PEX16: variants seen among roughly 807,000 people sequenced by gnomAD.
PEX16 encodes peroxisomal biogenesis factor 16.
Under a neutral mutation model 50.5 loss-of-function variants are expected in PEX16, and 37 were observed. That is an observed-to-expected ratio of 0.73 (90% CI 0.56 to 0.96). The LOEUF (loss-of-function observed/expected upper bound fraction) is 0.96, where lower values mean the gene tolerates loss of function less well. Ranked by LOEUF, PEX16 falls within the 40% of genes least tolerant of loss-of-function variation. The probability of loss-of-function intolerance (pLI) is 0.00; values close to 1 mark genes in which losing one functional copy is unlikely to be tolerated. For missense variants in PEX16, 401 were observed against 438.3 expected (o/e 0.91, Z 0.76); for synonymous variants, 185 against 190.3 (o/e 0.97, Z 0.23).
chr11:45,914,926 C>G (rs1236450155), intron 5 of PEX16, among the ~76,000 whole-genome samples: 1 of 152,238 alleles, frequency 6.6e-6, no homozygotes, highest in Non-Finnish European at 1.5e-5. Flanking sequence ...GTGGCCAGAG[C>G]CAGCCTCCCG....
Position 45,910,190 on chromosome 11 carries a change from GT to G in PEX16, c.*63del. On this transcript the variant is annotated 3_prime_UTR_variant, in exon 11 of 11. Transcript: ENST00000378750. ...GCACGCTGGGACGCTGCCGGAGTCA[GT>G]TTTATTAGGGAAGAGGGGCTCCCTG... The G allele has an allele frequency of 1.2e-6, 2 of 1,612,816 alleles. No individual in the cohort carries two copies. Among genetic ancestry groups the G allele is most frequent in the Non-Finnish European group, 1.7e-6 (2 of 1,179,920 alleles).
At position 45,917,505 on chromosome 11, in the gene PEX16, G is replaced by A; in HGVS notation, c.113-12C>T. ...ATCGGCGAATCGACCTGGGGAGAGG[G>A]TACAGAAGGAGGTGTGAGTGAGCAT... is the stretch of plus-strand genomic sequence containing the variant. On this transcript the variant is annotated splice_polypyrimidine_tract_variant and intron_variant, in intron 1 of 10. Transcript: ENST00000378750. 1.9e-6 allele frequency: 3 copies of A among 1,613,978 alleles called. No individual in the cohort carries two copies. Among genetic ancestry groups the A allele is most frequent in the South Asian group, 2.2e-5 (2 of 91,082 alleles).
chr11:45,912,315 G>A (rs1194266047), intron 9 of PEX16, among the ~76,000 whole-genome samples: 1 of 151,962 alleles, frequency 6.6e-6, no homozygotes, highest in East Asian at 2.0e-4. Context: ...TGGTTAACAC[G>A]GTGAAACCCC....
chr11:45,916,344 C>G (rs765619709), intron 2 of PEX16, 41 bp from the exon 3 acceptor site: 9 of 1,439,344 alleles, frequency 6.3e-6, no homozygotes, highest in African/African-American at 4.2e-5. Context: ...GGCTCTGCAG[C>G]CTCCATCCCT....
At chr11:45,915,902 T>G in intron 3 of PEX16, 66 bp from the exon 4 acceptor site, 1 of 1,497,638 alleles carries the variant, frequency 6.7e-7, no homozygotes, top group Non-Finnish European at 9.3e-7. Context: ...GCCCTTCTCC[T>G]AGGAGGGAGC....
At chr11:45,916,110 G>C in intron 3 of PEX16, 117 bp downstream of exon 3, 2 of 844,414 alleles carry the variant, frequency 2.4e-6, no homozygotes, top group South Asian at 1.3e-5. Context: ...TTGAGGCTCA[G>C]ATGGACATAG....
At position 45,917,189 on chromosome 11, in the gene PEX16, G is replaced by T. The variant is rs774130376; in HGVS notation, c.148+269C>A. On this transcript the variant is annotated intron_variant, in intron 2 of 10. Transcript: ENST00000378750. Reference sequence around the variant, plus strand: ...TAAGTACCACTTAATATGACTGTAGGGAGGATTAACAAGTAAAGGTAAGAA... The same window carrying T: ...TAAGTACCACTTAATATGACTGTAGTGAGGATTAACAAGTAAAGGTAAGAA... The T allele has an allele frequency of 3.9e-5, 27 of 695,306 alleles. No homozygotes were observed. In the South Asian group the frequency reaches 4.1e-4, roughly 10 times the overall value. 43.1% of individuals were successfully genotyped at this position (695,306 alleles called of 1,614,324 possible).
upstream of PEX16, chr11:45,918,162 T>C (rs1354118851): frequency 2.4e-6 from 1 of 409,526 alleles, no homozygotes; most frequent in East Asian, 5.4e-5. Context: ...AAAGCTCCGG[T>C]AAAGCCGGGC....
In PEX16 at chr11:45,917,874, C is replaced by G. The variant is rs532003586; in HGVS notation, c.-63G>C. On this transcript the variant is annotated 5_prime_UTR_variant, in exon 1 of 11. Coordinates refer to ENST00000378750, the MANE Select transcript of PEX16 (RefSeq NM_004813.4). ...ACGACAGGCTGCGGCGCCCTGCTTC[C>G]TGCGCCCTCCTTCCTGCTTCCGGTC... 2.0e-5 allele frequency: 24 copies of G among 1,180,446 alleles called. No individual in the cohort carries two copies. The East Asian group carries it at 6.1e-4, about 30-fold the overall frequency. The allele number at this position is 1,180,446 out of a possible 1,614,324, so 73.1% of individuals were successfully genotyped here. A position where few individuals can be genotyped will look rare whatever the true frequency, so the allele number is the denominator to read the frequency against.
Position 45,910,253 on chromosome 11 carries a change from G to C in PEX16, c.*1C>G. 4 of 1,613,618 alleles carry C rather than the reference G, an allele frequency of 2.5e-6. No homozygotes were observed. In the Middle Eastern group the frequency reaches 6.7e-4, roughly 269 times the overall value. ...CCCACACCCTCCTTCCGGGAGGTCT[G>C]TCAGCCCCAACTGTAGAAGTAGATT... On this transcript the variant is annotated 3_prime_UTR_variant, in exon 11 of 11. Transcript: ENST00000378750.
chr11:45,917,357 G>A (rs1389770010), intron 2 of PEX16, 101 bp downstream of exon 2: 1 of 1,034,400 alleles, frequency 9.7e-7, no homozygotes, highest in Non-Finnish European at 1.5e-6. Flanking sequence ...GTGTCTAACG[G>A]GCAGCCCAGG....
At chr11:45,910,359 C>T (rs894086315) in intron 10 of PEX16, 47 bp from the exon 11 acceptor site, 9 of 1,475,856 alleles carry the variant, frequency 6.1e-6, no homozygotes, top group Admixed American at 1.7e-5. Flanking sequence ...CCCCAATCTG[C>T]ACTGTGGCGC....
At chr11:45,917,167 G>A (rs754039010) in intron 2 of PEX16, 17 of 684,570 alleles carry the variant, frequency 2.5e-5, no homozygotes, top group Non-Finnish European at 4.5e-5. Context: ...ATGACAATAA[G>A]TACCACTTAA....
intron 9 of PEX16, among the ~76,000 whole-genome samples, chr11:45,912,424 G>C (rs1374083294): frequency 2.6e-5 from 4 of 152,006 alleles, no homozygotes; most frequent in Admixed American, 6.5e-5. Flanking sequence ...GCATGAACCC[G>C]GGAGGCAGAG....
At chr11:45,916,195 G>T in intron 3 of PEX16, 32 bp downstream of exon 3, 1 of 1,534,590 alleles carries the variant, frequency 6.5e-7, no homozygotes, top group Non-Finnish European at 9.0e-7. Flanking sequence ...GAGTCCCCAT[G>T]CTTCCCACCC....
At position 45,913,879 on chromosome 11, in the gene PEX16, C is replaced by G; in HGVS notation, c.827G>C (p.Arg276Pro). Reference protein sequence around the residue: ...LTRRERRELRRRTILLLYYLL... With the variant: ...LTRRERRELRPRTILLLYYLL... ...GTAGTAGAGCAGCAGGATGGTCCGGCGCCGCAGCTCCCGCCGCTCCCTCCG... is the reference window on the plus strand; with the variant it reads ...GTAGTAGAGCAGCAGGATGGTCCGGGGCCGCAGCTCCCGCCGCTCCCTCCG... The change falls in exon 9 of 11, where the codon CGC (arginine) becomes CCC (proline). Residue 276 changes from arginine (R) to proline (P), a missense_variant. Coordinates refer to ENST00000378750, the MANE Select transcript of PEX16 (RefSeq NM_004813.4). 1 of 1,612,178 alleles carries G rather than the reference C, an allele frequency of 6.2e-7. No homozygotes were observed. Among genetic ancestry groups the G allele is most frequent in the Non-Finnish European group, 8.5e-7 (1 of 1,179,708 alleles).
intron 8 of PEX16, 27 bp downstream of exon 8, chr11:45,914,104 T>A: frequency 6.3e-7 from 1 of 1,584,020 alleles, no homozygotes; most frequent in African/African-American, 1.3e-5. Context: ...CAGTGGAGAG[T>A]GAAGCCCCAG....
intron 7 of PEX16, 25 bp from the exon 8 acceptor site, chr11:45,914,228 T>C (rs771260899): frequency 1.2e-6 from 2 of 1,613,226 alleles, no homozygotes; most frequent in Non-Finnish European, 1.7e-6. Flanking sequence ...GTCAAGGATG[T>C]CTCCAGCACA....
chr11:45,915,537 A>G lies in PEX16; in HGVS notation c.391T>C (p.Phe131Leu). Residue 131 changes from phenylalanine (F) to leucine (L), a missense_variant, in exon 5 of 11, where the codon TTC (phenylalanine) becomes CTC (leucine). Physicochemically the swap from Phe to Leu is conservative, Grantham distance 22 (BLOSUM62 0). Transcript: ENST00000378750. ...AVLRMLLLLWFKAGLQTSPPI... is the reference protein window; with the variant it reads ...AVLRMLLLLWLKAGLQTSPPI... ...GGTGAAGTCTGGAGGCCAGCCTTGA[A>G]CCAGAGCAGCAGGAGCATCCGCAGT... The G allele has an allele frequency of 6.2e-7, 1 of 1,614,046 alleles. No homozygotes were observed. Among genetic ancestry groups the G allele is most frequent in the South Asian group, 1.1e-5 (1 of 91,072 alleles).
Sources: gnomAD v4.1 joint callset for allele counts (sites outside exome capture counted in the v4.1 genomes callset) on GRCh38, gnomAD v4.1.1 for gene constraint, MANE v1.5 for transcripts, NCBI Gene and HGNC (gene_info 2026-07-23, HGNC 2026-07-21) for gene names.